Variants in INIP observed in about 807,000 individuals in gnomAD.
INIP encodes SOSS complex subunit C.
In INIP, 9 loss-of-function variants were observed where a neutral mutation model predicts 14.0. The ratio of observed to expected loss-of-function variants is 0.64; its 90% CI spans 0.39 to 1.12. INIP has a LOEUF of 1.12. INIP is among the 50% of genes most tolerant of loss of function. INIP has a pLI of 0.01. For synonymous variants in INIP, 37 were observed against 41.5 expected, an observed-to-expected ratio of 0.89 and a Z score of 0.41; for missense variants, 78 against 122.7, an observed-to-expected ratio of 0.64 and a Z score of 1.72.
In INIP at chr9:112,687,322, G is replaced by A. The variant is rs891109421; in HGVS notation, c.*216C>T. 17 of 421,556 alleles carry A rather than the reference G, an allele frequency of 4.0e-5. No individual in the cohort carries two copies. Among genetic ancestry groups the A allele is most frequent in the Non-Finnish European group, 6.0e-5 (14 of 231,572 alleles). 26.1% of individuals were successfully genotyped at this position (421,556 alleles called of 1,614,324 possible). A position where few individuals can be genotyped will look rare whatever the true frequency, so the allele number is the denominator to read the frequency against. On this transcript the variant is annotated 3_prime_UTR_variant, in exon 5 of 5. Transcript: ENST00000374242. ...AGCATTACAAAAAAGTTACAGTCACGGTACATAATCAATTCCTTGGACGAT... is the reference window on the plus strand; with the variant it reads ...AGCATTACAAAAAAGTTACAGTCACAGTACATAATCAATTCCTTGGACGAT...
At chr9:112,694,054 G>A (rs1837990295) in intron 3 of INIP, 77 bp downstream of exon 3, 2 of 919,254 alleles carry the variant, frequency 2.2e-6, no homozygotes, top group Non-Finnish European at 3.3e-6. Context: ...CAGCCTGGGG[G>A]ACAGGGCGAG....
chr9:112,693,028 CAA>C (rs1223728146), intron 3 of INIP, among the ~76,000 whole-genome samples: 47 of 85,064 alleles, frequency 5.5e-4, no homozygotes, highest in African/African-American at 7.3e-4. Flanking sequence ...GACCCTGTCT[CAA>C]AAAAAAAAAA....
At chr9:112,713,265 A>G (rs1175190036) in intron 2 of INIP, among the ~76,000 whole-genome samples, 1 of 152,252 alleles carries the variant, frequency 6.6e-6, no homozygotes. Context: ...ACTACTTCAT[A>G]CATTCTAGAA....
rs1837588933 is a variant in INIP, at chr9:112,684,512, A to G, written c.*3026T>C. 6.6e-6 allele frequency: 1 copy of G among 152,218 alleles called. No individual in the cohort carries two copies. Among genetic ancestry groups the G allele is most frequent in the African/African-American group, 2.4e-5 (1 of 41,434 alleles). 9.4% of individuals were successfully genotyped at this position (152,218 alleles called of 1,614,324 possible). A position where few individuals can be genotyped will look rare whatever the true frequency, so the allele number is the denominator to read the frequency against. On this transcript the variant is annotated 3_prime_UTR_variant, in exon 5 of 5. Transcript: ENST00000374242. The stretch of plus-strand genomic sequence containing the variant: ...AGGAGTCTTGCAGTGAGCTATGATT[A>G]TACCACTGCACTCCAGCCTGGATGA...
In INIP at chr9:112,701,479, C is replaced by A. The variant is rs542741908; in HGVS notation, c.26-7246G>T. On this transcript the variant is annotated intron_variant, in intron 2 of 4. Transcript: ENST00000374242. ...GGTATTATTGATTTTATACAACAGA[C>A]GTTTCCCTAAAAGTTACATAATACG... Among the ~76,000 whole-genome samples, 7 of 152,292 alleles carry A rather than the reference C, an allele frequency of 4.6e-5. No homozygotes were observed. In the South Asian group the frequency reaches 1.4e-3, roughly 32 times the overall value.
chr9:112,707,390 A>C (rs1330863727), intron 2 of INIP, among the ~76,000 whole-genome samples: 1 of 151,532 alleles, frequency 6.6e-6, no homozygotes, highest in Non-Finnish European at 1.5e-5. Context: ...TTGAAAAAAC[A>C]TTTCCACTTT....
chr9:112,693,286 G>GCT (rs1420045909), intron 3 of INIP, among the ~76,000 whole-genome samples: 3 of 151,958 alleles, frequency 2.0e-5, no homozygotes, highest in African/African-American at 7.3e-5. Context: ...CTGAGGAAAA[G>GCT]CTCTCTCTCT....
At chr9:112,704,147 G>C (rs1838384442) in intron 2 of INIP, among the ~76,000 whole-genome samples, 1 of 152,064 alleles carries the variant, frequency 6.6e-6, no homozygotes. Context: ...AAAAAAAGTA[G>C]GTCACATACC....
intron 1 of INIP, among the ~76,000 whole-genome samples, chr9:112,717,221 G>T (rs1320058126): frequency 1.3e-5 from 2 of 152,100 alleles, no homozygotes; most frequent in Admixed American, 6.5e-5. Context: ...CTCTGCATTC[G>T]TCTAAAACAC....
In INIP at chr9:112,685,925, A is replaced by G. The variant is rs191642726; in HGVS notation, c.*1613T>C. On this transcript the variant is annotated 3_prime_UTR_variant, in exon 5 of 5. Transcript: ENST00000374242. ...AGTTCAAATTCTAAAAAAAACCTAC[A>G]TGGCACAGCCAATTCTAGAATTGTC... The G allele has an allele frequency of 6.6e-6, 1 of 152,298 alleles. No individual in the cohort carries two copies. Among genetic ancestry groups the G allele is most frequent in the Non-Finnish European group, 1.5e-5 (1 of 68,028 alleles). The allele number at this position is 152,298 out of a possible 1,614,324, so 9.4% of individuals were successfully genotyped here.
At chr9:112,711,811 C>T (rs1053547199) in intron 2 of INIP, among the ~76,000 whole-genome samples, 1 of 152,166 alleles carries the variant, frequency 6.6e-6, no homozygotes, top group Admixed American at 6.5e-5. Flanking sequence ...TATAATTCTA[C>T]GAAACTCATG....
intron 2 of INIP, among the ~76,000 whole-genome samples, chr9:112,696,405 A>G (rs1008485611): frequency 6.6e-6 from 1 of 152,152 alleles, no homozygotes; most frequent in Admixed American, 6.5e-5. Flanking sequence ...CTACTCAAGG[A>G]AAGATTTAAT....
chr9:112,699,089 AG>A (rs1345994075), intron 2 of INIP, among the ~76,000 whole-genome samples: 1 of 152,140 alleles, frequency 6.6e-6, no homozygotes, highest in Non-Finnish European at 1.5e-5. Flanking sequence ...AGGTCGAGGC[AG>A]GAGGATCACT....
chr9:112,693,534 A>G (rs1209811347), intron 3 of INIP, among the ~76,000 whole-genome samples: 1 of 152,178 alleles, frequency 6.6e-6, no homozygotes, highest in African/African-American at 2.4e-5. Context: ...CTAAGCCATG[A>G]TTTTGAGTTA....
At chr9:112,699,537 T>G (rs146283962) in intron 2 of INIP, among the ~76,000 whole-genome samples, 25 of 152,178 alleles carry the variant, frequency 1.6e-4, no homozygotes, top group Non-Finnish European at 3.2e-4. Context: ...TGTATTATTA[T>G]TGTTGTTAAT....
At chr9:112,693,194 A>T (rs950173770) in intron 3 of INIP, among the ~76,000 whole-genome samples, 1 of 152,192 alleles carries the variant, frequency 6.6e-6, no homozygotes, top group Admixed American at 6.5e-5. Flanking sequence ...TTGATATAAA[A>T]ATTATTTTTG....
In INIP at chr9:112,685,282, G is replaced by A. The variant is rs1837620643; in HGVS notation, c.*2256C>T. On this transcript the variant is annotated 3_prime_UTR_variant, in exon 5 of 5. Coordinates refer to ENST00000374242, the MANE Select transcript of INIP (RefSeq NM_021218.3). ...TTTTTTAATTTTTTAGTAGAGACAGGGGTCTCACTATGTTGCCTAGGCTGT... is the reference window on the plus strand; with the variant it reads ...TTTTTTAATTTTTTAGTAGAGACAGAGGTCTCACTATGTTGCCTAGGCTGT... 1 of 151,464 alleles carries A rather than the reference G, an allele frequency of 6.6e-6. No individual in the cohort carries two copies. 9.4% of individuals were successfully genotyped at this position (151,464 alleles called of 1,614,324 possible).
rs533036681 is a variant in INIP at position 112,693,574 on chromosome 9, A to C, written c.128+557T>G. 1.8e-4 allele frequency among the ~76,000 whole-genome samples: 27 copies of C among 152,342 alleles called. No individual in the cohort carries two copies. The South Asian group carries it at 3.1e-3, about 18-fold the overall frequency. On this transcript the variant is annotated intron_variant, in intron 3 of 4. Transcript: ENST00000374242. Reference sequence around the variant, plus strand: ...GTTTCTCCCTTGTGATGTGTGCTGCATGCACTCATAAATTTGTTTTTCTCT... The same window carrying C: ...GTTTCTCCCTTGTGATGTGTGCTGCCTGCACTCATAAATTTGTTTTTCTCT...
intron 2 of INIP, among the ~76,000 whole-genome samples, chr9:112,707,621 G>C (rs1386184489): frequency 6.6e-6 from 1 of 151,600 alleles, no homozygotes; most frequent in African/African-American, 2.4e-5. Context: ...TCCTTTAACA[G>C]CTCTATCACA....
Sources: gnomAD v4.1 joint callset for allele counts (sites outside exome capture counted in the v4.1 genomes callset) on GRCh38, gnomAD v4.1.1 for gene constraint, MANE v1.5 for transcripts, NCBI Gene and HGNC (gene_info 2026-07-23, HGNC 2026-07-21) for gene names.